The following KCNMA1 variants were observed in gnomAD, a reference collection of about 807,000 sequenced individuals.
The protein encoded by KCNMA1 is potassium calcium-activated channel subfamily M alpha 1, also known as Calcium-activated potassium channel subunit alpha-1.
KCNMA1 carries 29 observed loss-of-function variants against 140.0 expected under a neutral mutation model. The ratio of observed to expected loss-of-function variants is 0.21; its 90% CI spans 0.15 to 0.28. KCNMA1 has a LOEUF of 0.28. KCNMA1 is among the 10% of genes least tolerant of loss of function. The pLI, the probability that KCNMA1 is intolerant of heterozygous loss-of-function variation, is 1.00. For synonymous variants in KCNMA1, 612 were observed against 611.9 expected (o/e 1.00, Z 0.00); for missense variants, 880 against 1,602.2 (o/e 0.55, Z 7.70).
At chr10:77,334,856 A>G (rs1481478421) in intron 2 of KCNMA1, among the ~76,000 whole-genome samples, 1 of 152,220 alleles carries the variant, frequency 6.6e-6, no homozygotes, top group East Asian at 1.9e-4. Flanking sequence ...CAATATATGT[A>G]ATATATTATA....
intron 1 of KCNMA1, among the ~76,000 whole-genome samples, chr10:77,439,342 C>T (rs567445082): frequency 2.0e-5 from 3 of 152,248 alleles, no homozygotes; most frequent in Non-Finnish European, 2.9e-5. Flanking sequence ...CTAGAAAGTA[C>T]GTTAGAGGTG....
rs954932809 is a variant in KCNMA1, at chr10:77,362,361, C to T, written c.540+41501G>A. ...ACCCCCTATCCCCCCCCACCCCCCC[C>T]ACCCCACACACACACACACACGATG... is the stretch of plus-strand genomic sequence containing the variant. On this transcript the variant is annotated intron_variant, in intron 2 of 27. Transcript: ENST00000286628. 3.5e-4 allele frequency among the ~76,000 whole-genome samples: 30 copies of T among 84,690 alleles called. No homozygotes were observed. The East Asian group carries it at 0.01, about 29-fold the overall frequency. The allele number at this position is 84,690 out of a possible 152,430, so 55.6% of individuals were successfully genotyped here.
At chr10:77,592,091 C>A (rs569451751) in intron 1 of KCNMA1, among the ~76,000 whole-genome samples, 1 of 152,290 alleles carries the variant, frequency 6.6e-6, no homozygotes, top group South Asian at 2.1e-4. Context: ...AATGAGAATC[C>A]TTGCTCGGAG....
chr10:76,937,538 C>G (rs1233613664), intron 23 of KCNMA1, among the ~76,000 whole-genome samples: 1 of 152,216 alleles, frequency 6.6e-6, no homozygotes, highest in Non-Finnish European at 1.5e-5. Flanking sequence ...GCATTCTGTC[C>G]TGTGGATTTC....
At chr10:77,083,884 C>A (rs1228361257) in intron 12 of KCNMA1, among the ~76,000 whole-genome samples, 2 of 151,664 alleles carry the variant, frequency 1.3e-5, no homozygotes, top group East Asian at 1.9e-4. Context: ...GGAGCAGAGG[C>A]TTATAGTCAA....
chr10:77,127,589 G>A (rs2097768642), intron 5 of KCNMA1, among the ~76,000 whole-genome samples: 1 of 151,848 alleles, frequency 6.6e-6, no homozygotes, highest in South Asian at 2.1e-4. Context: ...AGGAAGGAAG[G>A]AAAGAAGGCA....
chr10:77,227,128 C>T (rs1468611896), intron 3 of KCNMA1, among the ~76,000 whole-genome samples: 2 of 152,168 alleles, frequency 1.3e-5, no homozygotes, highest in Non-Finnish European at 2.9e-5. Flanking sequence ...CCACTGACAT[C>T]AACACCCTGG....
At chr10:76,963,761 A>T (rs999044435) in intron 20 of KCNMA1, among the ~76,000 whole-genome samples, 2 of 152,214 alleles carry the variant, frequency 1.3e-5, no homozygotes, top group Admixed American at 1.3e-4. Flanking sequence ...CAAGCAAATT[A>T]AATACTAGTC....
chr10:77,430,053 A>G (rs1432676598), intron 1 of KCNMA1, among the ~76,000 whole-genome samples: 3 of 152,216 alleles, frequency 2.0e-5, no homozygotes, highest in Admixed American at 1.3e-4. Context: ...TTGTGAAAGG[A>G]AAGTAAAATC....
At chr10:77,065,321 C>T (rs2095890352) in intron 14 of KCNMA1, among the ~76,000 whole-genome samples, 1 of 152,076 alleles carries the variant, frequency 6.6e-6, no homozygotes, top group Non-Finnish European at 1.5e-5. Flanking sequence ...GGAGGGGGTG[C>T]AGATTCCTAA....
At position 77,616,844 on chromosome 10, in the gene KCNMA1, T is replaced by C. The variant is rs186222553; in HGVS notation, c.378+20421A>G. On this transcript the variant is annotated intron_variant, in intron 1 of 27. Transcript: ENST00000286628. Reference sequence around the variant, plus strand: ...AGCCAATTTGATACTAGGAACTGTTTGAGGGCGTTTTCAGTATTATTTTAT... The same window carrying C: ...AGCCAATTTGATACTAGGAACTGTTCGAGGGCGTTTTCAGTATTATTTTAT... 7.9e-5 allele frequency among the ~76,000 whole-genome samples: 12 copies of C among 151,384 alleles called. No individual in the cohort carries two copies. In the East Asian group the frequency reaches 2.1e-3, roughly 27 times the overall value.
chr10:77,066,564 G>A (rs753462093), intron 14 of KCNMA1, among the ~76,000 whole-genome samples: 1 of 152,118 alleles, frequency 6.6e-6, no homozygotes, highest in African/African-American at 2.4e-5. Context: ...AATCGGTGAC[G>A]CCGGGTTCAG....
At chr10:77,183,817 G>A (rs1371189930) in intron 4 of KCNMA1, among the ~76,000 whole-genome samples, 1 of 151,768 alleles carries the variant, frequency 6.6e-6, no homozygotes, top group East Asian at 1.9e-4. Context: ...GGTCTGGAGG[G>A]AGACATTATG....
At chr10:76,958,539 G>T (rs553579456) in intron 20 of KCNMA1, among the ~76,000 whole-genome samples, 1 of 152,292 alleles carries the variant, frequency 6.6e-6, no homozygotes, top group African/African-American at 2.4e-5. Context: ...ACCTCAGAAT[G>T]TGACTGTATT....
chr10:77,074,235 C>T (rs1171937012), intron 13 of KCNMA1, among the ~76,000 whole-genome samples: 1 of 152,134 alleles, frequency 6.6e-6, no homozygotes, highest in Non-Finnish European at 1.5e-5. Context: ...TAACTAAAAC[C>T]TCAAATTTTA....
chr10:77,623,011 A>G (rs530177854), intron 1 of KCNMA1, among the ~76,000 whole-genome samples: 1 of 152,254 alleles, frequency 6.6e-6, no homozygotes, highest in Non-Finnish European at 1.5e-5. Context: ...TGGTGAGATG[A>G]GGAAGAAAGA....
intron 23 of KCNMA1, among the ~76,000 whole-genome samples, chr10:76,940,531 C>T (rs1215222483): frequency 6.6e-6 from 1 of 152,154 alleles, no homozygotes; most frequent in African/African-American, 2.4e-5. Context: ...CATTTCTACC[C>T]AGTGAGGTTC....
chr10:77,208,876 G>C lies in KCNMA1; in HGVS notation c.603-23960C>G, dbSNP rs552857824. 2.6e-5 allele frequency among the ~76,000 whole-genome samples: 4 copies of C among 152,258 alleles called. No homozygotes were observed. In the South Asian group the frequency reaches 6.2e-4, roughly 24 times the overall value. On this transcript the variant is annotated intron_variant, in intron 3 of 27. Transcript: ENST00000286628. ...ACCAACTATTATGTGTTCTTATGAA[G>C]TAATCCTCATCCTGTCAACTGCTGT...
At chr10:77,515,973 C>G (rs193235321) in intron 1 of KCNMA1, among the ~76,000 whole-genome samples, 2 of 152,182 alleles carry the variant, frequency 1.3e-5, no homozygotes, top group African/African-American at 4.8e-5. Context: ...CTGCAGCCAG[C>G]GCAGATCTTG....
Sources: gnomAD v4.1 joint callset for allele counts (sites outside exome capture counted in the v4.1 genomes callset) on GRCh38, gnomAD v4.1.1 for gene constraint, MANE v1.5 for transcripts, NCBI Gene and HGNC (gene_info 2026-07-23, HGNC 2026-07-21) for gene names.